Variants in GPR161 observed in about 807,000 individuals in gnomAD.
The protein encoded by GPR161 is G-protein coupled receptor RE2.
A neutral mutation model predicts 39.2 loss-of-function variants in GPR161; 25 were observed. The observed-to-expected ratio is 0.64, with a 90% CI of 0.47 to 0.89. GPR161 has a LOEUF of 0.89. GPR161 is among the 40% of genes least tolerant of loss of function. GPR161 has a pLI of 0.00. For missense variants in GPR161, 547 were observed against 677.8 expected (o/e 0.81, Z 2.14); for synonymous variants, 286 against 276.6 (o/e 1.03, Z -0.34).
At chr1:168,136,953 GCCCC>G, upstream of GPR161, 3 of 475,690 alleles carry the variant, frequency 6.3e-6, no homozygotes, top group Non-Finnish European at 7.2e-6. Context: ...CCCGCGCCCC[GCCCC>G]GCCCCCCCCA....
rs1421895477 is a variant in GPR161 at position 168,087,723 on chromosome 1, T to G, written c.1205-19A>C. 6.3e-7 allele frequency: 1 copy of G among 1,596,352 alleles called. No individual in the cohort carries two copies. Among genetic ancestry groups the G allele is most frequent in the East Asian group, 2.2e-5 (1 of 44,608 alleles). ...TCTGTCCCTAAAACAACGGGCAGATTGTGCATATGTAACTACAATCTAAAG... is the reference window on the plus strand; with the variant it reads ...TCTGTCCCTAAAACAACGGGCAGATGGTGCATATGTAACTACAATCTAAAG... On this transcript the variant is annotated intron_variant, in intron 4 of 5. Coordinates refer to ENST00000682931, the MANE Select transcript of GPR161 (RefSeq NM_001375883.1).
intron 2 of GPR161, among the ~76,000 whole-genome samples, chr1:168,101,575 G>A (rs1696108355): frequency 6.6e-6 from 1 of 152,198 alleles, no homozygotes; most frequent in Admixed American, 6.5e-5. Flanking sequence ...TCAGAACTGG[G>A]AGAGTTACTT....
chr1:168,137,312 TC>T, upstream of GPR161: 1 of 1,532,016 alleles, frequency 6.5e-7, no homozygotes, highest in Non-Finnish European at 8.7e-7. Context: ...TTCAGATTCT[TC>T]CCGCAGGCTC....
In GPR161 at chr1:168,094,484, T is replaced by C. The variant is rs146880462; in HGVS notation, c.1099+2024A>G. On this transcript the variant is annotated intron_variant, in intron 3 of 5. Coordinates refer to ENST00000682931, the MANE Select transcript of GPR161 (RefSeq NM_001375883.1). Reference sequence around the variant, plus strand: ...CTATGGTTAAAAGTCCCAGACTTCCTTCCTCTCTTGGAAATAAAACTCCAT... The same window carrying C: ...CTATGGTTAAAAGTCCCAGACTTCCCTCCTCTCTTGGAAATAAAACTCCAT... Among the ~76,000 whole-genome samples, 12 of 152,316 alleles carry C rather than the reference T, an allele frequency of 7.9e-5. No homozygotes were observed. In the East Asian group the frequency reaches 2.3e-3, roughly 29 times the overall value.
chr1:168,100,747 T>C (rs1423576734), intron 2 of GPR161, among the ~76,000 whole-genome samples: 1 of 152,254 alleles, frequency 6.6e-6, no homozygotes, highest in African/African-American at 2.4e-5. Context: ...TTGCTAGCCC[T>C]ATCCATCCCA....
rs1694148296 is a variant in GPR161 at position 168,082,480 on chromosome 1, G to C, written c.*3051C>G. On this transcript the variant is annotated 3_prime_UTR_variant, in exon 6 of 6. Transcript: ENST00000682931. ...CTTCAGTCTTGGTGCCTCTGGCCAG[G>C]GAAATGGCTGTGTTGAGCTGTGTGT... The C allele has an allele frequency of 6.6e-6, 1 of 152,272 alleles. No homozygotes were observed. The highest frequency in any genetic ancestry group is 2.1e-4 in the South Asian group (1 of 4,826). 9.4% of individuals were successfully genotyped at this position (152,272 alleles called of 1,614,324 possible).
intron 1 of GPR161, among the ~76,000 whole-genome samples, chr1:168,123,339 T>C (rs1236335933): frequency 6.6e-6 from 1 of 152,032 alleles, no homozygotes; most frequent in Non-Finnish European, 1.5e-5. Flanking sequence ...ACACCTGTAG[T>C]CCCAGTTAAT....
At chr1:168,099,608 G>A (rs528959103) in intron 2 of GPR161, among the ~76,000 whole-genome samples, 1 of 152,160 alleles carries the variant, frequency 6.6e-6, no homozygotes, top group East Asian at 1.9e-4. Flanking sequence ...GTAACAAATG[G>A]TACCCATATC....
At chr1:168,128,608 A>G (rs1164771260) in intron 1 of GPR161, among the ~76,000 whole-genome samples, 3 of 152,252 alleles carry the variant, frequency 2.0e-5, no homozygotes, top group Non-Finnish European at 4.4e-5. Context: ...ACATGCTCTG[A>G]GAAGACAAGA....
rs1252322345 is a variant in GPR161, at chr1:168,083,452, A to G, written c.*2079T>C. 6.6e-6 allele frequency: 1 copy of G among 152,278 alleles called. No individual in the cohort carries two copies. Among genetic ancestry groups the G allele is most frequent in the Non-Finnish European group, 1.5e-5 (1 of 68,136 alleles). The allele number at this position is 152,278 out of a possible 1,614,324, so 9.4% of individuals were successfully genotyped here. A position where few individuals can be genotyped will look rare whatever the true frequency, so the allele number is the denominator to read the frequency against. ...CAAGCTGCTGCACTCAAGAATGCCT[A>G]CACCTAACCAGCAACCCATCCTAGA... On this transcript the variant is annotated 3_prime_UTR_variant, in exon 6 of 6. Transcript: ENST00000682931.
chr1:168,080,351 T>C lies in GPR161; in HGVS notation c.*5180A>G, dbSNP rs1693977031. The C allele has an allele frequency of 6.6e-6, 1 of 152,384 alleles. No homozygotes were observed. The highest frequency in any genetic ancestry group is 1.5e-5 in the Non-Finnish European group (1 of 68,172). 9.4% of individuals were successfully genotyped at this position (152,384 alleles called of 1,614,324 possible). ...CTTTTCTCATCCCCTTGGCCAAGAC[T>C]TGGAGTTTGGCTTTGACTCTGGCTT... On this transcript the variant is annotated 3_prime_UTR_variant, in exon 6 of 6. Transcript: ENST00000682931.
intron 3 of GPR161, among the ~76,000 whole-genome samples, chr1:168,095,723 C>G (rs1300917281): frequency 6.6e-6 from 1 of 152,096 alleles, no homozygotes; most frequent in Admixed American, 6.6e-5. Flanking sequence ...AGGAAGACAG[C>G]AGCTGAGGTG....
intron 3 of GPR161, among the ~76,000 whole-genome samples, chr1:168,094,223 T>C (rs1428052389): frequency 1.3e-5 from 2 of 152,202 alleles, no homozygotes; most frequent in African/African-American, 4.8e-5. Context: ...CCATTTTCTG[T>C]CCTCATTTTT....
intron 1 of GPR161, among the ~76,000 whole-genome samples, chr1:168,128,910 T>C (rs1030793069): frequency 2.0e-5 from 3 of 152,152 alleles, no homozygotes; most frequent in Non-Finnish European, 4.4e-5. Context: ...CCTATATTCT[T>C]GTTTTCCCAT....
rs1164967595 is a variant in GPR161, at chr1:168,098,566, C to A, written c.375-1334G>T. The stretch of plus-strand genomic sequence containing the variant: ...TGGGAAGGTGGCTCCTCCACAGGGA[C>A]CGCCCTGAGTCACCCTTGGGCCCCA... On this transcript the variant is annotated intron_variant, in intron 2 of 5. Transcript: ENST00000682931. This position sits in a 1 kb window ranked among gnomAD's most constrained non-coding sequence, Gnocchi z 4.1. Among the ~76,000 whole-genome samples, 3 of 152,224 alleles carry A rather than the reference C, an allele frequency of 2.0e-5. No homozygotes were observed. Among genetic ancestry groups the A allele is most frequent in the African/African-American group, 7.2e-5 (3 of 41,462 alleles).
chr1:168,096,406 G>A (rs903864084), intron 3 of GPR161, 102 bp downstream of exon 3: 64 of 1,179,672 alleles, frequency 5.4e-5, no homozygotes, highest in East Asian at 1.9e-4. Context: ...GAGCCTTACC[G>A]CCAGTCAGCC....
intron 1 of GPR161, among the ~76,000 whole-genome samples, chr1:168,132,309 C>T (rs763748199): frequency 1.3e-5 from 2 of 150,842 alleles, no homozygotes; most frequent in Non-Finnish European, 3.0e-5. Context: ...GTCTCCAAGC[C>T]GGGCGCTGTG....
Position 168,084,357 on chromosome 1 carries a change from A to G in GPR161, c.*1174T>C. 1 of 200,050 alleles carries G rather than the reference A, an allele frequency of 5.0e-6. No homozygotes were observed. Among genetic ancestry groups the G allele is most frequent in the South Asian group, 8.0e-5 (1 of 12,568 alleles). The allele number at this position is 200,050 out of a possible 1,614,324, so 12.4% of individuals were successfully genotyped here. A position where few individuals can be genotyped will look rare whatever the true frequency, so the allele number is the denominator to read the frequency against. On this transcript the variant is annotated 3_prime_UTR_variant, in exon 6 of 6. Coordinates refer to ENST00000682931, the MANE Select transcript of GPR161 (RefSeq NM_001375883.1). Reference sequence around the variant, plus strand: ...CTATCTCTGCTTTACAAATCCTGAGAACACCAAAGGTCAGAGCTGGAAATG... The same window carrying G: ...CTATCTCTGCTTTACAAATCCTGAGGACACCAAAGGTCAGAGCTGGAAATG...
chr1:168,134,969 CAG>C (rs1350904922), intron 1 of GPR161: 9 of 1,535,578 alleles, frequency 5.9e-6, no homozygotes, highest in Non-Finnish European at 7.0e-6. Flanking sequence ...GGAACCCAAA[CAG>C]AGAGCTCGCA....
Sources: allele counts gnomAD v4.1 joint callset (sites outside exome capture counted in the v4.1 genomes callset), GRCh38; gene constraint gnomAD v4.1.1; non-coding constraint Gnocchi (gnomAD v3.1); transcripts MANE v1.5; gene names NCBI Gene and HGNC (gene_info 2026-07-23, HGNC 2026-07-21).